The following DCC variants were observed in gnomAD, a reference collection of about 807,000 sequenced individuals.
DCC encodes the protein DCC netrin 1 receptor.
Under a neutral mutation model 172.5 loss-of-function variants are expected in DCC, and 58 were observed. That is an observed-to-expected ratio of 0.34 (90% CI 0.27 to 0.42). The LOEUF (loss-of-function observed/expected upper bound fraction) is 0.42. DCC is among the 10% of genes least tolerant of loss of function. The pLI is 1.00. For synonymous variants in DCC, 709 were observed against 644.5 expected (o/e 1.10, Z -1.52); for missense variants, 1,740 against 1,791.0 (o/e 0.97, Z 0.51).
At chr18:53,470,881 C>T (rs560349971) in intron 25 of DCC, among the ~76,000 whole-genome samples, 6 of 152,280 alleles carry the variant, frequency 3.9e-5, no homozygotes, top group East Asian at 3.9e-4. Context: ...GATTACAATT[C>T]GAGATGAGAT....
chr18:53,443,233 C>T (rs1468104961), intron 22 of DCC, among the ~76,000 whole-genome samples: 1 of 152,174 alleles, frequency 6.6e-6, no homozygotes. Context: ...ACTCTCTCAT[C>T]AGGGTATAGT....
intron 8 of DCC, among the ~76,000 whole-genome samples, chr18:53,160,156 C>T (rs1294131099): frequency 1.3e-5 from 2 of 152,134 alleles, no homozygotes; most frequent in East Asian, 1.9e-4. Flanking sequence ...TGAGCTTGTT[C>T]TTACCTTTCA....
rs59532879 is a variant in DCC at position 52,781,445 on chromosome 18, AT to A, written c.412+29075del. ...ATTACAAGTCATCATAGACAGTTGA[AT>A]TTTATAGTCAACGTGTGTTGAATAC... On this transcript the variant is annotated intron_variant, in intron 2 of 28. Transcript: ENST00000442544. Among the ~76,000 whole-genome samples the A allele has an allele frequency of 6.6e-3, 1,001 of 152,172 alleles. 14 individuals are homozygous for A. The highest frequency in any genetic ancestry group is 0.023 in the African/African-American group (935 of 41,522).
At chr18:52,406,838 G>T (rs561357857) in intron 1 of DCC, among the ~76,000 whole-genome samples, 1 of 152,144 alleles carries the variant, frequency 6.6e-6, no homozygotes, top group Non-Finnish European at 1.5e-5. Context: ...GATTCAGTAT[G>T]ATATAAGACA....
At chr18:52,548,388 G>C (rs1468912207) in intron 1 of DCC, among the ~76,000 whole-genome samples, 1 of 152,088 alleles carries the variant, frequency 6.6e-6, no homozygotes, top group Non-Finnish European at 1.5e-5. Context: ...CTGAGACTGA[G>C]GGGTTTTCCA....
intron 1 of DCC, among the ~76,000 whole-genome samples, chr18:52,524,202 A>G (rs1398989347): frequency 2.6e-5 from 4 of 152,212 alleles, no homozygotes; most frequent in Non-Finnish European, 5.9e-5. Flanking sequence ...AGTTAAGACA[A>G]AAAATTCCTA....
intron 1 of DCC, among the ~76,000 whole-genome samples, chr18:52,707,038 G>T (rs1013506828): frequency 6.6e-6 from 1 of 152,218 alleles, no homozygotes; most frequent in Admixed American, 6.5e-5. Context: ...TGAACCACAT[G>T]TGCAAAGGCA....
intron 1 of DCC, among the ~76,000 whole-genome samples, chr18:52,740,458 C>G (rs146330241): frequency 6.6e-6 from 1 of 152,068 alleles, no homozygotes; most frequent in African/African-American, 2.4e-5. Flanking sequence ...GCTATTTGGC[C>G]TCTATCTTTA....
At chr18:52,668,067 A>C (rs1052786975) in intron 1 of DCC, among the ~76,000 whole-genome samples, 1 of 151,986 alleles carries the variant, frequency 6.6e-6, no homozygotes, top group African/African-American at 2.4e-5. Flanking sequence ...ACAAAAAAAA[A>C]CAGTGAGTCT....
chr18:53,072,325 G>C (rs577115688), intron 7 of DCC, among the ~76,000 whole-genome samples: 1 of 152,204 alleles, frequency 6.6e-6, no homozygotes, highest in Non-Finnish European at 1.5e-5. Flanking sequence ...CTGTTTGGTA[G>C]CTGAGTGGAG....
At chr18:52,771,918 T>G (rs1479729736) in intron 2 of DCC, among the ~76,000 whole-genome samples, 1 of 151,682 alleles carries the variant, frequency 6.6e-6, no homozygotes, top group African/African-American at 2.4e-5. Context: ...AGGTGTTCTA[T>G]CTCAGTGAGG....
At chr18:53,522,057 G>A (rs1598845238) in intron 27 of DCC, among the ~76,000 whole-genome samples, 1 of 152,200 alleles carries the variant, frequency 6.6e-6, no homozygotes, top group Admixed American at 6.5e-5. Context: ...AAAATATGTG[G>A]TTGGTAGATA....
intron 13 of DCC, among the ~76,000 whole-genome samples, chr18:53,318,838 A>G (rs947197138): frequency 6.6e-6 from 1 of 151,940 alleles, no homozygotes; most frequent in Non-Finnish European, 1.5e-5. Context: ...AAATGAAAGA[A>G]AAGATGTTAA....
At chr18:53,289,578 T>A (rs945349961) in intron 12 of DCC, among the ~76,000 whole-genome samples, 1 of 151,922 alleles carries the variant, frequency 6.6e-6, no homozygotes, top group Non-Finnish European at 1.5e-5. Context: ...ATGCCTGGAG[T>A]GTAGCAAGCA....
intron 5 of DCC, among the ~76,000 whole-genome samples, chr18:53,023,525 C>T (rs1440255943): frequency 6.6e-6 from 1 of 151,502 alleles, no homozygotes; most frequent in Non-Finnish European, 1.5e-5. Flanking sequence ...ACCCCAGCAC[C>T]ACGCAATTTA....
chr18:52,584,530 T>A (rs1158215586), intron 1 of DCC, among the ~76,000 whole-genome samples: 5 of 152,092 alleles, frequency 3.3e-5, no homozygotes, highest in Non-Finnish European at 7.4e-5. Flanking sequence ...CATAGTGCAG[T>A]GGTTTAGACT....
chr18:52,695,300 C>A (rs1321361919), intron 1 of DCC, among the ~76,000 whole-genome samples: 2 of 152,050 alleles, frequency 1.3e-5, no homozygotes, highest in African/African-American at 4.8e-5. Context: ...CATACAATTC[C>A]AAGACTGCAA....
rs1039746792 is a variant in DCC, at chr18:52,390,755, C to T, written c.91+49877C>T. ...GTTTTGTGGCCAAGCATCATGGCCA[C>T]TTGTCTCATTAGGCAAATATTAGTT... On this transcript the variant is annotated intron_variant, in intron 1 of 28. Coordinates refer to ENST00000442544, the MANE Select transcript of DCC (RefSeq NM_005215.4). 2.0e-5 allele frequency among the ~76,000 whole-genome samples: 3 copies of T among 152,196 alleles called. No individual in the cohort carries two copies. In the East Asian group the frequency reaches 5.8e-4, roughly 30 times the overall value.
At chr18:52,472,448 C>T (rs554528875) in intron 1 of DCC, among the ~76,000 whole-genome samples, 18 of 152,274 alleles carry the variant, frequency 1.2e-4, no homozygotes, top group Middle Eastern at 3.4e-3. Context: ...TGTTGGAGTA[C>T]GTTTGTCTTT....
Sources: gnomAD v4.1 joint callset for allele counts (sites outside exome capture counted in the v4.1 genomes callset) on GRCh38, gnomAD v4.1.1 for gene constraint, MANE v1.5 for transcripts, NCBI Gene and HGNC (gene_info 2026-07-23, HGNC 2026-07-21) for gene names.